The following GRIK1 variants were observed in gnomAD, a reference collection of about 807,000 sequenced individuals.
GRIK1 encodes glutamate receptor ionotropic, kainate 1.
Under a neutral mutation model 105.7 loss-of-function variants are expected in GRIK1, and 69 were observed. The ratio of observed to expected loss-of-function variants is 0.65; its 90% CI spans 0.54 to 0.80. GRIK1 has a LOEUF of 0.80. Ranked by LOEUF, GRIK1 falls within the 30% of genes least tolerant of loss-of-function variation. The pLI is 0.00. For missense variants in GRIK1, 1,109 were observed against 1,167.3 expected (o/e 0.95, Z 0.73); for synonymous variants, 438 against 431.3 (o/e 1.02, Z -0.19).
intron 1 of GRIK1, among the ~76,000 whole-genome samples, chr21:29,828,379 T>C (rs1298774645): frequency 6.6e-6 from 1 of 152,144 alleles, no homozygotes; most frequent in Non-Finnish European, 1.5e-5. Flanking sequence ...GATTTACATG[T>C]TGCTAAATGA....
At chr21:29,607,937 G>T (rs1003166134) in intron 7 of GRIK1, among the ~76,000 whole-genome samples, 1 of 152,126 alleles carries the variant, frequency 6.6e-6, no homozygotes, top group Non-Finnish European at 1.5e-5. Flanking sequence ...GGTATCAGTT[G>T]ACATGGAATT....
intron 1 of GRIK1, among the ~76,000 whole-genome samples, chr21:29,732,247 A>G (rs112084562): frequency 0.059 from 8,977 of 152,244 alleles, 305 homozygotes; most frequent in African/African-American, 0.067. Flanking sequence ...TTTGGGGGAT[A>G]GGCATGGAAG....
chr21:29,875,278 A>C (rs1474034829), intron 1 of GRIK1, among the ~76,000 whole-genome samples: 2 of 152,022 alleles, frequency 1.3e-5, no homozygotes, highest in South Asian at 4.1e-4. Flanking sequence ...GGTAGAAATG[A>C]TTACTCTCTT....
chr21:29,662,671 G>T (rs930625466), intron 4 of GRIK1, among the ~76,000 whole-genome samples: 1 of 152,044 alleles, frequency 6.6e-6, no homozygotes, highest in Non-Finnish European at 1.5e-5. Context: ...CTGGTCTCAC[G>T]AGATCTCTAT....
At chr21:29,612,318 A>G (rs922369722) in intron 7 of GRIK1, among the ~76,000 whole-genome samples, 32 of 152,060 alleles carry the variant, frequency 2.1e-4, no homozygotes, top group African/African-American at 7.7e-4. Context: ...CACTGGATTA[A>G]ATGGGTCCCA....
At chr21:29,739,295 C>A (rs1195667225) in intron 1 of GRIK1, among the ~76,000 whole-genome samples, 2 of 152,020 alleles carry the variant, frequency 1.3e-5, no homozygotes, top group Non-Finnish European at 2.9e-5. Context: ...AGAAGACATT[C>A]TAGGGAGAGG....
intron 1 of GRIK1, among the ~76,000 whole-genome samples, chr21:29,840,007 T>C (rs557567291): frequency 4.6e-5 from 7 of 152,310 alleles, no homozygotes; most frequent in African/African-American, 1.7e-4. Context: ...CGAACTATTT[T>C]AATGGTCAGT....
intron 3 of GRIK1, among the ~76,000 whole-genome samples, chr21:29,683,325 A>G (rs773956534): frequency 4.6e-5 from 7 of 152,236 alleles, no homozygotes; most frequent in Non-Finnish European, 1.0e-4. Context: ...CCACACACTC[A>G]TATGTTCATT....
At chr21:29,582,749 T>G (rs568263909) in intron 12 of GRIK1, among the ~76,000 whole-genome samples, 1 of 152,178 alleles carries the variant, frequency 6.6e-6, no homozygotes, top group South Asian at 2.1e-4. Context: ...ATGCAGTAAT[T>G]TTTAGCACTG....
At chr21:29,567,847 A>C (rs769888662) in intron 14 of GRIK1, among the ~76,000 whole-genome samples, 6 of 152,212 alleles carry the variant, frequency 3.9e-5, no homozygotes, top group Non-Finnish European at 8.8e-5. Context: ...ATATGATTTA[A>C]TTTACAAAAA....
At chr21:29,885,878 T>C (rs1753324987) in intron 1 of GRIK1, among the ~76,000 whole-genome samples, 2 of 152,152 alleles carry the variant, frequency 1.3e-5, no homozygotes, top group Admixed American at 1.3e-4. Flanking sequence ...AATTGCTGCT[T>C]CTCCACCATT....
chr21:29,627,120 C>G (rs568410251), intron 7 of GRIK1, among the ~76,000 whole-genome samples: 1 of 152,302 alleles, frequency 6.6e-6, no homozygotes, highest in Admixed American at 6.5e-5. Context: ...TCTTGTATTA[C>G]AGTAACTATG....
intron 1 of GRIK1, among the ~76,000 whole-genome samples, chr21:29,780,809 T>C (rs2066076276): frequency 6.6e-6 from 1 of 152,214 alleles, no homozygotes; most frequent in Non-Finnish European, 1.5e-5. Context: ...CTATTGCTTC[T>C]GCCACACCTG....
chr21:29,792,852 C>T (rs1482156803), intron 1 of GRIK1, among the ~76,000 whole-genome samples: 1 of 152,148 alleles, frequency 6.6e-6, no homozygotes, highest in African/African-American at 2.4e-5. Context: ...AAATGTATAG[C>T]ACGAAGAGTA....
At chr21:29,779,335 A>T (rs1026477171) in intron 1 of GRIK1, among the ~76,000 whole-genome samples, 64 of 149,870 alleles carry the variant, frequency 4.3e-4, no homozygotes, top group Non-Finnish European at 7.0e-4. Context: ...TCAGTGAGTG[A>T]GTGTGTGTGT....
intron 1 of GRIK1, among the ~76,000 whole-genome samples, chr21:29,720,574 C>A (rs1014791044): frequency 1.3e-5 from 2 of 151,954 alleles, no homozygotes; most frequent in African/African-American, 4.8e-5. Context: ...GCTCATCCAA[C>A]TGAGAAAGGG....
intron 5 of GRIK1, among the ~76,000 whole-genome samples, chr21:29,654,473 C>A (rs1192086767): frequency 1.3e-5 from 2 of 152,148 alleles, no homozygotes; most frequent in African/African-American, 4.8e-5. Flanking sequence ...TTGGATACAC[C>A]TTCTAATGTA....
At chr21:29,560,279 TTTTCTTTCTTTC>T (rs56295343) in intron 15 of GRIK1, among the ~76,000 whole-genome samples, 1,538 of 69,898 alleles carry the variant, frequency 0.022, 66 homozygotes, top group Non-Finnish European at 0.028. Flanking sequence ...TATGATACAG[TTTTCTTTCTTTC>T]TTTCTTTCTT....
intron 3 of GRIK1, among the ~76,000 whole-genome samples, chr21:29,685,111 T>G (rs1045357408): frequency 6.6e-6 from 1 of 152,244 alleles, no homozygotes; most frequent in African/African-American, 2.4e-5. Flanking sequence ...TTTCTGGATA[T>G]TTTTGTTTAT....
Sources: gnomAD v4.1 joint callset for allele counts (sites outside exome capture counted in the v4.1 genomes callset) on GRCh38, gnomAD v4.1.1 for gene constraint, MANE v1.5 for transcripts, NCBI Gene and HGNC (gene_info 2026-07-23, HGNC 2026-07-21) for gene names.